Variants in LRRC4C observed in about 807,000 individuals in gnomAD.
LRRC4C encodes the protein leucine-rich repeat-containing protein 4C.
Under a neutral mutation model 33.6 loss-of-function variants are expected in LRRC4C, and 5 were observed. The observed-to-expected ratio is 0.15, with a 90% CI of 0.08 to 0.31. LRRC4C has a LOEUF of 0.31. LRRC4C is among the 10% of genes least tolerant of loss of function. The pLI is 1.00. For missense variants in LRRC4C, 560 were observed against 796.7 expected, an observed-to-expected ratio of 0.70 and a Z score of 3.58; for synonymous variants, 329 against 302.0, an observed-to-expected ratio of 1.09 and a Z score of -0.93.
intron 2 of LRRC4C, among the ~76,000 whole-genome samples, chr11:40,670,760 G>GTTTGTT (rs1428597068): frequency 2.0e-5 from 3 of 152,120 alleles, no homozygotes; most frequent in East Asian, 1.9e-4. Context: ...TTGTTTGTTT[G>GTTTGTT]TTTGTTTTTG....
intron 1 of LRRC4C, among the ~76,000 whole-genome samples, chr11:40,972,871 C>T (rs190189408): frequency 6.6e-6 from 1 of 152,020 alleles, no homozygotes; most frequent in African/African-American, 2.4e-5. Flanking sequence ...TGTGTCCCCA[C>T]CCAAATCTCA....
chr11:40,463,531 G>A (rs1488219197), intron 3 of LRRC4C, among the ~76,000 whole-genome samples: 5 of 152,040 alleles, frequency 3.3e-5, no homozygotes, highest in Non-Finnish European at 7.4e-5. Context: ...TATTTTCAAG[G>A]ATGAATAGGA....
intron 1 of LRRC4C, among the ~76,000 whole-genome samples, chr11:41,442,482 T>TTTTTTTTTTTTTTG: frequency 7.3e-6 from 1 of 136,790 alleles, no homozygotes; most frequent in African/African-American, 2.8e-5. Flanking sequence ...TTTTTTTTTT[T>TTTTTTTTTTTTTTG]TTTTTGAGAC....
intron 3 of LRRC4C, among the ~76,000 whole-genome samples, chr11:40,521,643 G>A (rs1360923817): frequency 6.6e-6 from 1 of 152,068 alleles, no homozygotes; most frequent in African/African-American, 2.4e-5. Flanking sequence ...GGCAAAGGTG[G>A]GTGGATCATG....
At chr11:40,522,628 T>A (rs1208211670) in intron 3 of LRRC4C, among the ~76,000 whole-genome samples, 1 of 152,174 alleles carries the variant, frequency 6.6e-6, no homozygotes, top group East Asian at 1.9e-4. Context: ...TAAATTTTAT[T>A]TAATTTCAAC....
At chr11:40,265,922 G>A (rs766568193) in intron 4 of LRRC4C, among the ~76,000 whole-genome samples, 8 of 152,146 alleles carry the variant, frequency 5.3e-5, no homozygotes, top group Non-Finnish European at 1.2e-4. Flanking sequence ...GATATAGACA[G>A]TCCATTTTTA....
At chr11:41,158,270 A>T (rs1944319513) in intron 1 of LRRC4C, among the ~76,000 whole-genome samples, 1 of 152,152 alleles carries the variant, frequency 6.6e-6, no homozygotes, top group Non-Finnish European at 1.5e-5. Context: ...TCCTGAGCAC[A>T]TGTCCCCTAG....
chr11:41,405,104 C>G (rs115262092), intron 1 of LRRC4C, among the ~76,000 whole-genome samples: 3,821 of 152,084 alleles, frequency 0.025, 62 homozygotes, highest in African/African-American at 0.052. Flanking sequence ...ATGATTAGAG[C>G]TTTTTGGAAG....
At chr11:40,183,150 A>G (rs1469449939) in intron 5 of LRRC4C, among the ~76,000 whole-genome samples, 1 of 152,200 alleles carries the variant, frequency 6.6e-6, no homozygotes, top group Non-Finnish European at 1.5e-5. Flanking sequence ...ATCCAGGAAA[A>G]TGTAAGAATG....
chr11:41,304,956 C>G (rs551115476), intron 1 of LRRC4C, among the ~76,000 whole-genome samples: 1,530 of 88,478 alleles, frequency 0.017, 184 homozygotes, highest in Non-Finnish European at 0.026. Context: ...CCGCCCCGTC[C>G]GGGAGGTGAG....
rs576384248 is a variant in LRRC4C at position 41,253,419 on chromosome 11, CAT to C, written c.-496+206010_-496+206011del. Among the ~76,000 whole-genome samples the C allele has an allele frequency of 1.4e-4, 21 of 152,222 alleles. No individual in the cohort carries two copies. The South Asian group carries it at 4.3e-3, about 32-fold the overall frequency. On this transcript the variant is annotated intron_variant, in intron 1 of 6. Coordinates refer to ENST00000528697, the MANE Select transcript of LRRC4C (RefSeq NM_001258419.2). ...AAACCTGTACTTCTGAAGACCATTT[CAT>C]ATGAGTTCACGTTTACTCATATCAT... is the stretch of plus-strand genomic sequence containing the variant.
intron 1 of LRRC4C, among the ~76,000 whole-genome samples, chr11:41,286,882 A>C (rs1949846609): frequency 6.6e-6 from 1 of 152,144 alleles, no homozygotes; most frequent in Admixed American, 6.6e-5. Flanking sequence ...AATTTAGGAA[A>C]GGGTTCTTTT....
intron 2 of LRRC4C, among the ~76,000 whole-genome samples, chr11:40,834,564 T>C (rs1326856110): frequency 1.3e-5 from 2 of 152,034 alleles, no homozygotes; most frequent in African/African-American, 4.8e-5. Context: ...GAGTTATAAC[T>C]GGCACACTAG....
At chr11:40,424,598 CAAGAA>C (rs1371488482) in intron 3 of LRRC4C, among the ~76,000 whole-genome samples, 1 of 152,110 alleles carries the variant, frequency 6.6e-6, no homozygotes, top group Non-Finnish European at 1.5e-5. Flanking sequence ...GAAACAACAT[CAAGAA>C]AAGACCAGCT....
chr11:41,188,906 C>A (rs1945820833), intron 1 of LRRC4C, among the ~76,000 whole-genome samples: 1 of 135,660 alleles, frequency 7.4e-6, no homozygotes, highest in East Asian at 2.8e-4. Context: ...GACCTGCCCC[C>A]CCCCCCAAAA....
chr11:40,984,367 GAAAGAAAGA>G (rs1565270571), intron 1 of LRRC4C, among the ~76,000 whole-genome samples: 103 of 96,516 alleles, frequency 1.1e-3, no homozygotes, highest in Middle Eastern at 9.0e-3. Context: ...AAAGAAAAAA[GAAAGAAAGA>G]AAGAAAGAAA....
At chr11:40,528,137 A>C (rs1187568649) in intron 3 of LRRC4C, among the ~76,000 whole-genome samples, 1 of 152,160 alleles carries the variant, frequency 6.6e-6, no homozygotes, top group Non-Finnish European at 1.5e-5. Context: ...GATTTCTTGG[A>C]TATAACACCG....
At chr11:41,436,978 TG>T (rs1205044906) in intron 1 of LRRC4C, among the ~76,000 whole-genome samples, 4 of 152,176 alleles carry the variant, frequency 2.6e-5, no homozygotes, top group African/African-American at 9.6e-5. Flanking sequence ...AAGGAACAGA[TG>T]AAAAAACCAT....
intron 6 of LRRC4C, among the ~76,000 whole-genome samples, chr11:40,118,144 CAA>C (rs985802948): frequency 2.7e-5 from 4 of 146,316 alleles, no homozygotes; most frequent in African/African-American, 1.0e-4. Context: ...TAATATGAAA[CAA>C]ATTACCATTA....
Sources: allele counts gnomAD v4.1 joint callset (sites outside exome capture counted in the v4.1 genomes callset), GRCh38; gene constraint gnomAD v4.1.1; transcripts MANE v1.5; gene names NCBI Gene and HGNC (gene_info 2026-07-23, HGNC 2026-07-21).